GRIN2B: variants seen among roughly 807,000 people sequenced by gnomAD.
GRIN2B encodes the protein glutamate receptor ionotropic, NMDA 2B.
In GRIN2B, 5 loss-of-function variants were observed where a neutral mutation model predicts 114.5. That is an observed-to-expected ratio of 0.04 (90% CI 0.02 to 0.09). The LOEUF (loss-of-function observed/expected upper bound fraction) is 0.09, where lower values mean the gene tolerates loss of function less well. Ranked by LOEUF, GRIN2B falls within the 10% of genes least tolerant of loss-of-function variation. GRIN2B has a pLI of 1.00. For synonymous variants in GRIN2B, 787 were observed against 745.1 expected, an observed-to-expected ratio of 1.06 and a Z score of -0.92; for missense variants, 1,108 against 1,943.5, an observed-to-expected ratio of 0.57 and a Z score of 8.08.
intron 2 of GRIN2B, among the ~76,000 whole-genome samples, chr12:13,885,974 G>A (rs1181619281): frequency 6.6e-6 from 1 of 152,060 alleles, no homozygotes; most frequent in African/African-American, 2.4e-5. Flanking sequence ...AGATAAATTT[G>A]GAAATCTACA....
Position 13,758,998 on chromosome 12 carries a change from A to AGTTTTT in GRIN2B, c.412-5084_412-5083insAAAAAC, listed in dbSNP as rs771891565. 2.0e-4 allele frequency among the ~76,000 whole-genome samples: 17 copies of AGTTTTT among 85,624 alleles called. 2 individuals carry two copies. The highest frequency in any genetic ancestry group is 5.9e-4 in the African/African-American group (12 of 20,374). The allele number at this position is 85,624 out of a possible 152,430, so 56.2% of individuals were successfully genotyped here. A position where few individuals can be genotyped will look rare whatever the true frequency, so the allele number is the denominator to read the frequency against. Reference sequence around the variant, plus strand: ...GAATTTGATGATCTCATCTAGTTCAATTTTTTTTTTTTTTTTTTTTTTTTT... The same window carrying AGTTTTT: ...GAATTTGATGATCTCATCTAGTTCAAGTTTTTTTTTTTTTTTTTTTTTTTTTTTTTT... On this transcript the variant is annotated intron_variant, in intron 3 of 13. Transcript: ENST00000609686.
chr12:13,939,950 G>GGGTTGAGT (rs1208020172), intron 2 of GRIN2B, among the ~76,000 whole-genome samples: 1 of 152,098 alleles, frequency 6.6e-6, no homozygotes, highest in Non-Finnish European at 1.5e-5. Context: ...CTGTGCATTA[G>GGGTTGAGT]GTACGGCATC....
intron 2 of GRIN2B, among the ~76,000 whole-genome samples, chr12:13,926,496 T>C (rs1399361817): frequency 6.6e-6 from 1 of 152,178 alleles, no homozygotes; most frequent in Admixed American, 6.5e-5. Context: ...CCTTGTACGA[T>C]AACCCTCCTT....
chr12:13,691,089 C>A (rs1423097601), intron 4 of GRIN2B, among the ~76,000 whole-genome samples: 1 of 152,100 alleles, frequency 6.6e-6, no homozygotes, highest in Non-Finnish European at 1.5e-5. Flanking sequence ...TCTCAATCTT[C>A]ACATGGTTAG....
intron 4 of GRIN2B, among the ~76,000 whole-genome samples, chr12:13,706,971 T>C (rs1273705706): frequency 6.6e-6 from 1 of 152,130 alleles, no homozygotes; most frequent in Non-Finnish European, 1.5e-5. Flanking sequence ...TGCCCAAGCT[T>C]GGCTATAGAG....
intron 2 of GRIN2B, among the ~76,000 whole-genome samples, chr12:13,918,398 C>T (rs1866767037): frequency 6.6e-6 from 1 of 152,070 alleles, no homozygotes; most frequent in Admixed American, 6.6e-5. Context: ...TAGCAAGACC[C>T]TGTCTCAAAA....
intron 4 of GRIN2B, among the ~76,000 whole-genome samples, chr12:13,691,150 C>T (rs75777096): frequency 2.0e-5 from 3 of 151,912 alleles, no homozygotes; most frequent in Non-Finnish European, 2.9e-5. Flanking sequence ...TCCTCACTCC[C>T]TACACACATC....
intron 2 of GRIN2B, among the ~76,000 whole-genome samples, chr12:13,941,838 T>C (rs1292030058): frequency 6.6e-6 from 1 of 152,082 alleles, no homozygotes; most frequent in Non-Finnish European, 1.5e-5. Flanking sequence ...GCTGATCAGG[T>C]GAGAATGAAA....
intron 2 of GRIN2B, among the ~76,000 whole-genome samples, chr12:13,898,181 T>G (rs974228957): frequency 6.6e-6 from 1 of 152,122 alleles, no homozygotes; most frequent in East Asian, 1.9e-4. Context: ...ATCCACAGGC[T>G]GCAAATGGGA....
In GRIN2B at chr12:13,632,234, A is replaced by T. The variant is rs553595276; in HGVS notation, c.1126-15577T>A. Among the ~76,000 whole-genome samples, 12 of 152,374 alleles carry T rather than the reference A, an allele frequency of 7.9e-5. No individual in the cohort carries two copies. The South Asian group carries it at 2.5e-3, about 32-fold the overall frequency. On this transcript the variant is annotated intron_variant, in intron 5 of 13. Coordinates refer to ENST00000609686, the MANE Select transcript of GRIN2B (RefSeq NM_000834.5). ...CAGTTGGTAAGTTCACATCTGTACC[A>T]AGATAAGTAAAACAGAAAATTAAGG... is the stretch of plus-strand genomic sequence containing the variant.
At chr12:13,965,593 G>A (rs1555162725) in intron 2 of GRIN2B, among the ~76,000 whole-genome samples, 2 of 151,912 alleles carry the variant, frequency 1.3e-5, no homozygotes, top group Non-Finnish European at 2.9e-5. Context: ...GTGTGTGATT[G>A]TATGTTAGTT....
At chr12:13,889,565 G>C (rs2136775047) in intron 2 of GRIN2B, among the ~76,000 whole-genome samples, 1 of 152,176 alleles carries the variant, frequency 6.6e-6, no homozygotes, top group Admixed American at 6.5e-5. Context: ...TTTGTAAATG[G>C]ACAAATCACG....
chr12:13,843,560 G>A (rs767727097), intron 3 of GRIN2B, among the ~76,000 whole-genome samples: 25 of 152,060 alleles, frequency 1.6e-4, no homozygotes, highest in African/African-American at 5.6e-4. Context: ...TTTTAGGAGC[G>A]TAGGTAAGCT....
In GRIN2B at chr12:13,563,637, G is replaced by C. The variant is rs1434222109; in HGVS notation, c.3601C>G (p.Leu1201Val). The part of the protein sequence containing the change: ...SGVPAPWEKN[L>V]TNVEWEDRSG... ...CGGTCCTCCCACTCCACGTTGGTCA[G>C]GTTCTTCTCCCAAGGTGCAGGTACC... is the stretch of plus-strand genomic sequence containing the variant. Residue 1201 changes from leucine (L) to valine (V), a missense_variant, in exon 14 of 14, where the codon CTG becomes GTG. Coordinates refer to ENST00000609686, the MANE Select transcript of GRIN2B (RefSeq NM_000834.5). 1 of 1,613,860 alleles carries C rather than the reference G, an allele frequency of 6.2e-7. No homozygotes were observed. Among genetic ancestry groups the C allele is most frequent in the Non-Finnish European group, 8.5e-7 (1 of 1,180,028 alleles).
chr12:13,856,851 T>A (rs1865669707), intron 3 of GRIN2B, among the ~76,000 whole-genome samples: 1 of 152,136 alleles, frequency 6.6e-6, no homozygotes, highest in African/African-American at 2.4e-5. Flanking sequence ...TAGCTACATG[T>A]CCAGCCCAAA....
chr12:13,853,449 A>G (rs1428388713), intron 3 of GRIN2B, among the ~76,000 whole-genome samples: 1 of 152,214 alleles, frequency 6.6e-6, no homozygotes, highest in Non-Finnish European at 1.5e-5. Flanking sequence ...GCATATGTTT[A>G]TTTTCCAAAA....
chr12:13,940,884 C>T (rs537487315), intron 2 of GRIN2B, among the ~76,000 whole-genome samples: 1 of 152,256 alleles, frequency 6.6e-6, no homozygotes, highest in South Asian at 2.1e-4. Context: ...GCTCTCCACA[C>T]ACCTTCCAAC....
chr12:13,791,512 G>A (rs895115479), intron 3 of GRIN2B, among the ~76,000 whole-genome samples: 2 of 151,040 alleles, frequency 1.3e-5, no homozygotes. Flanking sequence ...AATTTTTAAT[G>A]ACAGAAAGAA....
At chr12:13,771,795 G>A (rs1018992094) in intron 3 of GRIN2B, among the ~76,000 whole-genome samples, 2 of 152,230 alleles carry the variant, frequency 1.3e-5, no homozygotes, top group African/African-American at 4.8e-5. Context: ...TGGTTACGTT[G>A]TTAAATTAAC....
Sources: gnomAD v4.1 joint callset for allele counts (sites outside exome capture counted in the v4.1 genomes callset) on GRCh38, gnomAD v4.1.1 for gene constraint, MANE v1.5 for transcripts, NCBI Gene and HGNC (gene_info 2026-07-23, HGNC 2026-07-21) for gene names.